CDK17: variants seen among roughly 807,000 people sequenced by gnomAD.
CDK17 encodes the protein cyclin dependent kinase 17.
A neutral mutation model predicts 77.6 loss-of-function variants in CDK17; 24 were observed. The ratio of observed to expected loss-of-function variants is 0.31; its 90% CI spans 0.22 to 0.44. The LOEUF is 0.44. Ranked by LOEUF, CDK17 falls within the 20% of genes least tolerant of loss-of-function variation. The pLI is 1.00. For missense variants in CDK17, 429 were observed against 622.5 expected (o/e 0.69, Z 3.31); for synonymous variants, 203 against 210.4 (o/e 0.96, Z 0.30).
At chr12:96,314,575 C>G (rs1374782900) in intron 3 of CDK17, among the ~76,000 whole-genome samples, 2 of 152,138 alleles carry the variant, frequency 1.3e-5, no homozygotes, top group Non-Finnish European at 2.9e-5. Context: ...CTTGGCCTCT[C>G]AAAGTGATGG....
intron 1 of CDK17, among the ~76,000 whole-genome samples, chr12:96,387,578 G>C (rs1953995637): frequency 6.6e-6 from 1 of 152,120 alleles, no homozygotes; most frequent in African/African-American, 2.4e-5. Flanking sequence ...TTATGACAAA[G>C]AATAAAATGC....
chr12:96,316,311 A>G (rs1592722928), intron 3 of CDK17, among the ~76,000 whole-genome samples: 1 of 151,966 alleles, frequency 6.6e-6, no homozygotes, highest in East Asian at 1.9e-4. Flanking sequence ...TCCTACGCCC[A>G]CGGAGTCTTG....
At chr12:96,328,162 G>A (rs183610275) in intron 2 of CDK17, among the ~76,000 whole-genome samples, 13 of 152,184 alleles carry the variant, frequency 8.5e-5, no homozygotes, top group Admixed American at 7.2e-4. Flanking sequence ...CTGTGCATGC[G>A]AGGGATCTAG....
intron 1 of CDK17, among the ~76,000 whole-genome samples, chr12:96,353,576 A>G (rs1469101926): frequency 7.0e-6 from 1 of 142,598 alleles, no homozygotes; most frequent in Non-Finnish European, 1.5e-5. Flanking sequence ...GTACCACCAG[A>G]GCAAATGTCA....
chr12:96,303,518 T>C (rs1261401631), intron 5 of CDK17: 4 of 152,120 alleles, frequency 2.6e-5, no homozygotes, highest in African/African-American at 7.2e-5. Flanking sequence ...AAAGCTTATA[T>C]TTTCATGTAA....
At chr12:96,280,917 A>C (rs761465617) in intron 15 of CDK17, 32 bp from the exon 16 acceptor site, 2 of 1,557,282 alleles carry the variant, frequency 1.3e-6, no homozygotes, top group South Asian at 1.1e-5. Context: ...TATTAGGTGA[A>C]GGTCTAACAT....
Position 96,319,685 on chromosome 12 carries a change from C to T in CDK17, c.283+4263G>A, listed in dbSNP as rs1276683920. Reference sequence around the variant, plus strand: ...AATGTAATCCAGCATATAAACAGAGCCAAAGACAAAAACCACATGATTATC... The same window carrying T: ...AATGTAATCCAGCATATAAACAGAGTCAAAGACAAAAACCACATGATTATC... On this transcript the variant is annotated intron_variant, in intron 3 of 16. Coordinates refer to ENST00000261211, the MANE Select transcript of CDK17 (RefSeq NM_002595.5). Among the ~76,000 whole-genome samples, 3 of 135,074 alleles carry T rather than the reference C, an allele frequency of 2.2e-5. No homozygotes were observed. The East Asian group carries it at 6.3e-4, about 29-fold the overall frequency. 88.6% of individuals were successfully genotyped at this position (135,074 alleles called of 152,430 possible).
intron 1 of CDK17, among the ~76,000 whole-genome samples, chr12:96,379,542 G>A (rs932498266): frequency 6.6e-6 from 1 of 151,828 alleles, no homozygotes; most frequent in Non-Finnish European, 1.5e-5. Context: ...TCCACAGGTT[G>A]AGCTTCTTGA....
chr12:96,340,206 T>C (rs1436551365), intron 1 of CDK17, among the ~76,000 whole-genome samples: 1 of 152,040 alleles, frequency 6.6e-6, no homozygotes, highest in Non-Finnish European at 1.5e-5. Context: ...ATTTGAACAA[T>C]GTATCAGGGG....
At chr12:96,326,141 A>G (rs1004535537) in intron 2 of CDK17, among the ~76,000 whole-genome samples, 6 of 152,212 alleles carry the variant, frequency 3.9e-5, no homozygotes, top group African/African-American at 1.2e-4. Flanking sequence ...TACAGACAAC[A>G]TTTTAGTTGC....
intron 13 of CDK17, among the ~76,000 whole-genome samples, chr12:96,285,025 T>C (rs1055670447): frequency 1.3e-5 from 2 of 152,162 alleles, no homozygotes; most frequent in Admixed American, 6.5e-5. Context: ...TCTATGTAGT[T>C]TGCCATTCTA....
intron 1 of CDK17, among the ~76,000 whole-genome samples, chr12:96,383,053 G>T (rs1375677084): frequency 6.6e-6 from 1 of 152,076 alleles, no homozygotes. Context: ...AACTGTAAAC[G>T]ACTTCAGTAA....
chr12:96,283,464 T>C (rs1227899873), intron 14 of CDK17, 139 bp downstream of exon 14: 2 of 590,610 alleles, frequency 3.4e-6, no homozygotes, highest in African/African-American at 2.2e-5. Flanking sequence ...TTTTTTTTTT[T>C]AACTTAAACA....
chr12:96,298,543 TA>T (rs1417880591), intron 7 of CDK17, among the ~76,000 whole-genome samples: 1 of 152,182 alleles, frequency 6.6e-6, no homozygotes, highest in African/African-American at 2.4e-5. Flanking sequence ...TACTATGATA[TA>T]AATATGTTTA....
chr12:96,286,488 C>T (rs762375324), intron 12 of CDK17, among the ~76,000 whole-genome samples, 176 bp downstream of exon 12: 1 of 152,048 alleles, frequency 6.6e-6, no homozygotes, highest in Non-Finnish European at 1.5e-5. Context: ...TAAAACTTAG[C>T]AGATGAAGTT....
At chr12:96,351,477 T>C (rs1953312655) in intron 1 of CDK17, among the ~76,000 whole-genome samples, 1 of 152,108 alleles carries the variant, frequency 6.6e-6, no homozygotes, top group Non-Finnish European at 1.5e-5. Context: ...CAAATGAAGT[T>C]CTGACATATG....
intron 1 of CDK17, among the ~76,000 whole-genome samples, chr12:96,338,657 C>G (rs1010966206): frequency 5.9e-5 from 9 of 152,036 alleles, no homozygotes; most frequent in Admixed American, 6.6e-5. Flanking sequence ...TCTCAAAGTG[C>G]TGGGATTACA....
chr12:96,281,101 C>T (rs905631623), intron 15 of CDK17, among the ~76,000 whole-genome samples: 13 of 152,192 alleles, frequency 8.5e-5, no homozygotes, highest in African/African-American at 3.1e-4. Flanking sequence ...CTTCTTCCAA[C>T]TCTGTGTCAG....
intron 1 of CDK17, among the ~76,000 whole-genome samples, chr12:96,367,430 T>C (rs1219697114): frequency 2.6e-5 from 4 of 151,848 alleles, no homozygotes; most frequent in Non-Finnish European, 4.4e-5. Flanking sequence ...AATTACTATT[T>C]AGTGCTCACA....
Sources: gnomAD v4.1 joint callset for allele counts (sites outside exome capture counted in the v4.1 genomes callset) on GRCh38, gnomAD v4.1.1 for gene constraint, MANE v1.5 for transcripts, NCBI Gene and HGNC (gene_info 2026-07-23, HGNC 2026-07-21) for gene names.